Variants in SATB2 observed in about 807,000 individuals in gnomAD.
The protein encoded by SATB2 is DNA-binding protein SATB2.
A neutral mutation model predicts 73.4 loss-of-function variants in SATB2; 1 was observed. The ratio of observed to expected loss-of-function variants is 0.01; its 90% CI spans 0.00 to 0.06. The LOEUF is 0.06. Among genes scored for constraint, SATB2 ranks in the 10% least tolerant of loss-of-function variants. The pLI is 1.00. For synonymous variants in SATB2, 397 were observed against 367.0 expected, an observed-to-expected ratio of 1.08 and a Z score of -0.93; for missense variants, 459 against 945.8, an observed-to-expected ratio of 0.49 and a Z score of 6.75.
At chr2:199,456,254 C>G (rs973873121) in intron 1 of SATB2, among the ~76,000 whole-genome samples, 158 bp from the exon 2 acceptor site, 20 of 152,388 alleles carry the variant, frequency 1.3e-4, no homozygotes, top group Admixed American at 4.6e-4. Flanking sequence ...AAGCCGGTCC[C>G]AACCTTACAC....
intron 3 of SATB2, among the ~76,000 whole-genome samples, chr2:199,421,886 AAATTT>A (rs1317253574): frequency 6.6e-6 from 1 of 152,222 alleles, no homozygotes; most frequent in Non-Finnish European, 1.5e-5. Context: ...CAATGAAAAT[AAATTT>A]ATTTTCAAAG....
intron 7 of SATB2, among the ~76,000 whole-genome samples, chr2:199,345,317 C>T (rs889602875): frequency 2.5e-4 from 38 of 151,944 alleles, no homozygotes; most frequent in African/African-American, 8.9e-4. Flanking sequence ...TACATGTGCA[C>T]AACGTGCAGG....
At chr2:199,446,205 C>T (rs1187812377) in intron 2 of SATB2, among the ~76,000 whole-genome samples, 2 of 152,176 alleles carry the variant, frequency 1.3e-5, no homozygotes, top group Admixed American at 6.5e-5. Flanking sequence ...TAAGTTTCAA[C>T]TGTCATGCAA....
chr2:199,345,731 G>A (rs1378414775), intron 7 of SATB2, among the ~76,000 whole-genome samples: 2 of 152,032 alleles, frequency 1.3e-5, no homozygotes, highest in African/African-American at 4.8e-5. Context: ...ATTTCACCTG[G>A]ATACTTGCAG....
At chr2:199,275,138 T>A (rs1189514357) in intron 10 of SATB2, among the ~76,000 whole-genome samples, 1 of 152,198 alleles carries the variant, frequency 6.6e-6, no homozygotes, top group East Asian at 1.9e-4. Context: ...AGCATAACGG[T>A]TCCATTTAAT....
intron 7 of SATB2, chr2:199,347,219 T>A (rs1015236470): frequency 1.3e-5 from 2 of 152,172 alleles, no homozygotes; most frequent in Admixed American, 6.5e-5. Context: ...TCCTGTATTT[T>A]CCAAATTATT....
chr2:199,324,458 C>T (rs1687977938), intron 8 of SATB2, among the ~76,000 whole-genome samples: 1 of 151,982 alleles, frequency 6.6e-6, no homozygotes. Flanking sequence ...TATGGTTTCC[C>T]ATCATTATCA....
intron 5 of SATB2, among the ~76,000 whole-genome samples, chr2:199,372,223 G>A (rs1689470614): frequency 6.6e-6 from 1 of 152,098 alleles, no homozygotes; most frequent in Non-Finnish European, 1.5e-5. Flanking sequence ...CTTATTTGTA[G>A]TCAATTTGAC....
chr2:199,403,082 T>C (rs376607231), intron 3 of SATB2, among the ~76,000 whole-genome samples: 1 of 152,220 alleles, frequency 6.6e-6, no homozygotes, highest in African/African-American at 2.4e-5. Context: ...ATGCAGACTT[T>C]TAAAATTATT....
chr2:199,284,727 C>G (rs1271603952), intron 10 of SATB2, among the ~76,000 whole-genome samples: 1 of 151,600 alleles, frequency 6.6e-6, no homozygotes, highest in East Asian at 1.9e-4. Flanking sequence ...ATAGTTGGCC[C>G]ACCATATCCA....
intron 8 of SATB2, among the ~76,000 whole-genome samples, chr2:199,325,014 G>A (rs1005498982): frequency 6.6e-6 from 1 of 152,120 alleles, no homozygotes; most frequent in South Asian, 2.1e-4. Flanking sequence ...CAGTATGCAG[G>A]TCCAGAGAAA....
intron 3 of SATB2, among the ~76,000 whole-genome samples, chr2:199,419,943 T>C (rs1691114847): frequency 6.6e-6 from 1 of 152,224 alleles, no homozygotes; most frequent in Non-Finnish European, 1.5e-5. Flanking sequence ...ATATTTAGCA[T>C]TTTAATGAGT....
At chr2:199,307,809 A>G (rs1003912068) in intron 10 of SATB2, among the ~76,000 whole-genome samples, 7 of 151,812 alleles carry the variant, frequency 4.6e-5, no homozygotes, top group Non-Finnish European at 7.4e-5. Context: ...ATCCCTCACC[A>G]CTCCTCTCTA....
chr2:199,441,811 A>T (rs1471962225), intron 2 of SATB2, among the ~76,000 whole-genome samples: 1 of 152,234 alleles, frequency 6.6e-6, no homozygotes, highest in African/African-American at 2.4e-5. Flanking sequence ...CCAGGTCTCT[A>T]AACATCCTTC....
chr2:199,311,008 G>A (rs1235975433), intron 9 of SATB2, among the ~76,000 whole-genome samples: 2 of 152,180 alleles, frequency 1.3e-5, no homozygotes, highest in Non-Finnish European at 2.9e-5. Context: ...CCTCATTATG[G>A]ACTGTGTGCT....
At chr2:199,372,009 T>C (rs1689463731) in intron 5 of SATB2, among the ~76,000 whole-genome samples, 1 of 152,120 alleles carries the variant, frequency 6.6e-6, no homozygotes, top group Non-Finnish European at 1.5e-5. Flanking sequence ...CCCACTCAGA[T>C]ACCGAGACAC....
Position 199,373,088 on chromosome 2 carries a change from G to T in SATB2, c.598-4381C>A, listed in dbSNP as rs147821121. 1.7e-4 allele frequency among the ~76,000 whole-genome samples: 26 copies of T among 152,220 alleles called. No individual in the cohort carries two copies. In the East Asian group the frequency reaches 5.0e-3, roughly 29 times the overall value. ...TAAGCTGAAAACACATAATACACTTGTTATGAAGAAGAACATTTTTAAAGC... is the reference window on the plus strand; with the variant it reads ...TAAGCTGAAAACACATAATACACTTTTTATGAAGAAGAACATTTTTAAAGC... On this transcript the variant is annotated intron_variant, in intron 5 of 10. Coordinates refer to ENST00000417098, the MANE Select transcript of SATB2 (RefSeq NM_001172509.2).
intron 6 of SATB2, among the ~76,000 whole-genome samples, chr2:199,365,358 A>G (rs1689253284): frequency 6.6e-6 from 1 of 151,824 alleles, no homozygotes; most frequent in Non-Finnish European, 1.5e-5. Context: ...TACCCACTCC[A>G]TTTTCTTCAA....
At chr2:199,322,032 C>T (rs759820195) in intron 9 of SATB2, among the ~76,000 whole-genome samples, 19 of 152,288 alleles carry the variant, frequency 1.2e-4, no homozygotes, top group Non-Finnish European at 2.2e-4. Context: ...TAAGCTTCTG[C>T]CAGTTGGCAA....
Sources: allele counts gnomAD v4.1 joint callset (sites outside exome capture counted in the v4.1 genomes callset), GRCh38; gene constraint gnomAD v4.1.1; transcripts MANE v1.5; gene names NCBI Gene and HGNC (gene_info 2026-07-23, HGNC 2026-07-21).